Variants in BCR observed in about 807,000 individuals in gnomAD.
BCR encodes the protein breakpoint cluster region protein.
In BCR, 58 loss-of-function variants were observed where a neutral mutation model predicts 138.6. The observed-to-expected ratio is 0.42, with a 90% CI of 0.34 to 0.52. The LOEUF (loss-of-function observed/expected upper bound fraction) is 0.52, where lower values mean the gene tolerates loss of function less well. Among genes scored for constraint, BCR ranks in the 20% least tolerant of loss-of-function variants. The probability of loss-of-function intolerance (pLI) is 0.06; values close to 1 mark genes in which losing one functional copy is unlikely to be tolerated. For synonymous variants in BCR, 786 were observed against 730.1 expected (o/e 1.08, Z -1.23); for missense variants, 1,599 against 1,727.2 (o/e 0.93, Z 1.32).
intron 1 of BCR, among the ~76,000 whole-genome samples, chr22:23,205,578 T>A (rs1302711033): frequency 6.6e-6 from 1 of 151,884 alleles, no homozygotes; most frequent in Non-Finnish European, 1.5e-5. Context: ...AAGGGGATAC[T>A]CAGACAGCCA....
At chr22:23,214,491 T>C (rs568240248) in intron 1 of BCR, among the ~76,000 whole-genome samples, 1 of 152,212 alleles carries the variant, frequency 6.6e-6, no homozygotes, top group African/African-American at 2.4e-5. Flanking sequence ...GCCCCAGCCT[T>C]CCACCTCTGT....
At chr22:23,248,674 A>G (rs1009434925) in intron 1 of BCR, among the ~76,000 whole-genome samples, 1 of 152,084 alleles carries the variant, frequency 6.6e-6, no homozygotes, top group African/African-American at 2.4e-5. Flanking sequence ...TTCCACACCA[A>G]CCCTGGGCTG....
At chr22:23,192,211 C>T (rs996228213) in intron 1 of BCR, among the ~76,000 whole-genome samples, 1 of 152,068 alleles carries the variant, frequency 6.6e-6, no homozygotes, top group Non-Finnish European at 1.5e-5. Flanking sequence ...AATTATACTC[C>T]CTCCACTGAT....
chr22:23,263,594 C>A, intron 4 of BCR: 1 of 1,538,700 alleles, frequency 6.5e-7, no homozygotes, highest in Non-Finnish European at 9.0e-7. Context: ...TGGGAGTCTG[C>A]TGGGCATGAT....
intron 4 of BCR, chr22:23,263,167 A>C (rs763017064): frequency 6.7e-5 from 52 of 776,596 alleles, no homozygotes; most frequent in Admixed American, 1.8e-4. Flanking sequence ...GAGGAGGAGG[A>C]GGCGGCTCGG....
At chr22:23,260,567 G>C (rs1354116940) in intron 2 of BCR, among the ~76,000 whole-genome samples, 1 of 152,208 alleles carries the variant, frequency 6.6e-6, no homozygotes, top group Non-Finnish European at 1.5e-5. Context: ...TGGCCATGCT[G>C]TGGGCTCTGA....
intron 1 of BCR, among the ~76,000 whole-genome samples, chr22:23,210,314 A>T (rs1403499058): frequency 6.6e-6 from 1 of 151,826 alleles, no homozygotes; most frequent in Non-Finnish European, 1.5e-5. Context: ...CCGCTTGAGA[A>T]ACTGAGGTGG....
intron 5 of BCR, among the ~76,000 whole-genome samples, chr22:23,269,528 TATCACCGGATGGAGC>T (rs1338478104): frequency 6.6e-6 from 1 of 152,202 alleles, no homozygotes; most frequent in East Asian, 1.9e-4. Context: ...TCTTATTGTT[TATCACCGGATGGAGC>T]ATCACGGGCT....
intron 21 of BCR, 81 bp from the exon 22 acceptor site, chr22:23,314,471 G>T: frequency 6.6e-7 from 1 of 1,523,632 alleles, no homozygotes; most frequent in South Asian, 1.2e-5. Flanking sequence ...CCCTTCCTGA[G>T]AACTCCAGCA....
At chr22:23,255,560 G>A (rs913061917) in intron 2 of BCR, among the ~76,000 whole-genome samples, 3 of 152,310 alleles carry the variant, frequency 2.0e-5, no homozygotes, top group Admixed American at 6.5e-5. Context: ...CTTGAGAAAG[G>A]CAATTTCTTT....
intron 9 of BCR, 71 bp from the exon 10 acceptor site, chr22:23,284,962 T>G (rs1363413428): frequency 4.6e-6 from 7 of 1,524,448 alleles, no homozygotes; most frequent in African/African-American, 1.4e-5. Context: ...GCTCTTGGGC[T>G]CTTGACAGCA....
At chr22:23,211,512 G>A (rs2072682103) in intron 1 of BCR, among the ~76,000 whole-genome samples, 1 of 150,742 alleles carries the variant, frequency 6.6e-6, no homozygotes, top group East Asian at 2.0e-4. Flanking sequence ...TTTTGAGACA[G>A]TCTCACTCTG....
At chr22:23,233,345 G>C (rs1044358774) in intron 1 of BCR, among the ~76,000 whole-genome samples, 2 of 152,192 alleles carry the variant, frequency 1.3e-5, no homozygotes, top group African/African-American at 4.8e-5. Context: ...GCCCGGTGGT[G>C]ACAGGCTGTT....
intron 5 of BCR, 38 bp from the exon 6 acceptor site, chr22:23,271,494 T>G (rs745656130): frequency 1.9e-6 from 3 of 1,607,140 alleles, no homozygotes; most frequent in Non-Finnish European, 8.5e-7. Flanking sequence ...CAAAGCTGCT[T>G]CTGTCATCTG....
intron 3 of BCR, 104 bp from the exon 4 acceptor site, chr22:23,261,251 A>G (rs2073352745): frequency 1.5e-6 from 2 of 1,352,850 alleles, no homozygotes; most frequent in South Asian, 2.7e-5. Context: ...ATTTAAAAAT[A>G]AAAGTGCATA....
rs781378436 is a variant in BCR at position 23,253,806 on chromosome 22, G to T, written c.1287G>T (p.Ser429=). The T allele has an allele frequency of 1.9e-6, 3 of 1,611,296 alleles. No homozygotes were observed. Among genetic ancestry groups the T allele is most frequent in the Non-Finnish European group, 1.7e-6 (2 of 1,178,646 alleles). Residue 429 remains serine, a synonymous_variant, in exon 2 of 23, where the codon TCG becomes TCT. Coordinates refer to ENST00000305877, the MANE Select transcript of BCR (RefSeq NM_004327.4). The part of the protein sequence containing the change: ...EGAFHGDADG[S]FGTPPGYGCA... ...GCTTCTTTGCACACACAGATGGCTC[G>T]TTCGGAACACCACCTGGATACGGCT...
intron 1 of BCR, among the ~76,000 whole-genome samples, chr22:23,190,167 CCTT>C (rs1327737228): frequency 1.3e-5 from 2 of 151,938 alleles, no homozygotes; most frequent in Non-Finnish European, 2.9e-5. Flanking sequence ...TCCAAATTTC[CCTT>C]CTTTTTTTGT....
At chr22:23,263,659 G>T (rs2146278983) in intron 4 of BCR, 3 of 1,449,550 alleles carry the variant, frequency 2.1e-6, no homozygotes, top group Non-Finnish European at 2.9e-6. Context: ...TGCAGGAGGA[G>T]ATGGGAAGAT....
chr22:23,302,767 G>A (rs1221084463), intron 16 of BCR: 1 of 152,224 alleles, frequency 6.6e-6, no homozygotes, highest in East Asian at 1.9e-4. Context: ...CCCCAGCTGG[G>A]AGCCTGGACC....
Sources: allele counts gnomAD v4.1 joint callset (sites outside exome capture counted in the v4.1 genomes callset), GRCh38; gene constraint gnomAD v4.1.1; transcripts MANE v1.5; gene names NCBI Gene and HGNC (gene_info 2026-07-23, HGNC 2026-07-21).